Variants in TAF5 observed in about 807,000 individuals in gnomAD.
The protein encoded by TAF5 is transcription initiation factor TFIID subunit 5.
In TAF5, 20 loss-of-function variants were observed where a neutral mutation model predicts 80.9. The ratio of observed to expected loss-of-function variants is 0.25; its 90% CI spans 0.17 to 0.36. The LOEUF is 0.36. TAF5 is among the 10% of genes least tolerant of loss of function. The pLI, the probability that TAF5 is intolerant of heterozygous loss-of-function variation, is 1.00. For missense variants in TAF5, 863 were observed against 1,029.4 expected, an observed-to-expected ratio of 0.84 and a Z score of 2.21; for synonymous variants, 388 against 406.4, an observed-to-expected ratio of 0.95 and a Z score of 0.55.
chr10:103,386,888 C>T (rs1450019708), intron 8 of TAF5, among the ~76,000 whole-genome samples: 1 of 151,856 alleles, frequency 6.6e-6, no homozygotes, highest in Non-Finnish European at 1.5e-5. Flanking sequence ...TGGTCTCGAA[C>T]TCCTGACCTC....
At chr10:103,383,188 A>T (rs1365768595) in intron 6 of TAF5, 50 bp from the exon 7 acceptor site, 2 of 1,485,402 alleles carry the variant, frequency 1.3e-6, no homozygotes, top group Non-Finnish European at 1.8e-6. Context: ...TTACTTTAAA[A>T]GTTTTGATGA....
chr10:103,378,584 G>T lies in TAF5; in HGVS notation c.1113+34G>T. On this transcript the variant is annotated intron_variant, in intron 3 of 10. Coordinates refer to ENST00000369839, the MANE Select transcript of TAF5 (RefSeq NM_006951.5). This position sits in a 1 kb window ranked among gnomAD's most constrained non-coding sequence, Gnocchi z 4.1. ...ATGAACCTAAGAACTCTATAATGCAGATTATGAAAAATTGTAGCATTTCCA... is the reference window on the plus strand; with the variant it reads ...ATGAACCTAAGAACTCTATAATGCATATTATGAAAAATTGTAGCATTTCCA... The T allele has an allele frequency of 6.5e-7, 1 of 1,548,784 alleles. No individual in the cohort carries two copies. The highest frequency in any genetic ancestry group is 8.7e-7 in the Non-Finnish European group (1 of 1,146,270).
Position 103,387,627 on chromosome 10 carries a change from G to C in TAF5, c.2114G>C (p.Gly705Ala). 1 of 1,614,130 alleles carries C rather than the reference G, an allele frequency of 6.2e-7. No homozygotes were observed. The highest frequency in any genetic ancestry group is 1.1e-5 in the South Asian group (1 of 91,080). ...LWDIGHGLMV[G>A]ELKGHTDTVC... ...GATATTGGACATGGTTTGATGGTTG[G>C]AGAATTAAAAGGCCACACTGATACA... Residue 705 changes from glycine (G) to alanine (A), a missense_variant, in exon 10 of 11, where the codon GGA (glycine) becomes GCA (alanine). By Grantham distance (60) the Gly-to-Ala change is moderately conservative (BLOSUM62 0). Coordinates refer to ENST00000369839, the MANE Select transcript of TAF5 (RefSeq NM_006951.5).
chr10:103,386,517 A>T (rs1386444197), intron 8 of TAF5, among the ~76,000 whole-genome samples: 2 of 152,146 alleles, frequency 1.3e-5, no homozygotes, highest in Non-Finnish European at 1.5e-5. Context: ...AGGAGGAAGA[A>T]TATACAGAGA....
At chr10:103,379,579 T>A (rs1238476830) in intron 3 of TAF5, 29 bp from the exon 4 acceptor site, 21 of 1,535,258 alleles carry the variant, frequency 1.4e-5, no homozygotes, top group Non-Finnish European at 1.8e-5. Context: ...ATAAATAATT[T>A]TAAAAATGTT....
Position 103,378,625 on chromosome 10 carries a change from C to T in TAF5, c.1113+75C>T. 6.9e-7 allele frequency: 1 copy of T among 1,454,740 alleles called. No homozygotes were observed. Among genetic ancestry groups the T allele is most frequent in the Admixed American group, 2.5e-5 (1 of 39,536 alleles). 90.1% of individuals were successfully genotyped at this position (1,454,740 alleles called of 1,614,324 possible). On this transcript the variant is annotated intron_variant, in intron 3 of 10. Coordinates refer to ENST00000369839, the MANE Select transcript of TAF5 (RefSeq NM_006951.5). This position sits in a 1 kb window ranked among gnomAD's most constrained non-coding sequence, Gnocchi z 4.1. ...AGCATTTCCATCTACATAAGTTACA[C>T]ATTTTTCTTATAGCTAGCTTGGAAA...
intron 1 of TAF5, among the ~76,000 whole-genome samples, chr10:103,371,259 AAGAG>A (rs1175815735): frequency 1.3e-4 from 19 of 151,816 alleles, no homozygotes; most frequent in East Asian, 1.2e-3. Flanking sequence ...AAAAAAAAAA[AAGAG>A]AGAGGAATCT....
At position 103,388,812 on chromosome 10, in the gene TAF5, C is replaced by T. The variant is rs1478998850; in HGVS notation, c.*589C>T. The T allele has an allele frequency of 6.5e-6, 1 of 152,948 alleles. No homozygotes were observed. Among genetic ancestry groups the T allele is most frequent in the African/African-American group, 2.4e-5 (1 of 41,422 alleles). 9.5% of individuals were successfully genotyped at this position (152,948 alleles called of 1,614,324 possible). A position where few individuals can be genotyped will look rare whatever the true frequency, so the allele number is the denominator to read the frequency against. ...ATATACCTGTTGAGTTTTGAGTGCA[C>T]CCAAACACTCGATAAACCAGGTGAA... is the stretch of plus-strand genomic sequence containing the variant. On this transcript the variant is annotated 3_prime_UTR_variant, in exon 11 of 11. Transcript: ENST00000369839.
rs771931173 is a variant in TAF5, at chr10:103,368,072, C to T, written c.83C>T (p.Ala28Val). ...EGPPTLLPPQ[A>V]GDGAGEGSGG... is the part of the protein sequence containing the mutation. The stretch of plus-strand genomic sequence containing the variant: ...CCGCCAACGCTGCTACCTCCGCAGG[C>T]GGGGGACGGCGCAGGCGAGGGTAGC... The change falls in exon 1 of 11, where the codon GCG becomes GTG. Residue 28 changes from alanine to valine, a missense_variant. Physicochemically the swap from Ala to Val is moderately conservative, Grantham distance 64. Coordinates refer to ENST00000369839, the MANE Select transcript of TAF5 (RefSeq NM_006951.5). 7.7e-6 allele frequency: 11 copies of T among 1,429,248 alleles called. No individual in the cohort carries two copies. In the South Asian group the frequency reaches 1.4e-4, roughly 18 times the overall value. The allele number at this position is 1,429,248 out of a possible 1,614,324, so 88.5% of individuals were successfully genotyped here.
chr10:103,368,635 G>T (rs962400162), intron 1 of TAF5, 87 bp downstream of exon 1: 16 of 1,385,268 alleles, frequency 1.2e-5, no homozygotes, highest in Admixed American at 6.4e-5. Flanking sequence ...CACCTCTGCG[G>T]GCTTGTTTTG....
chr10:103,370,325 CTTTTTTTT>C (rs758002426), intron 1 of TAF5, among the ~76,000 whole-genome samples: 2 of 88,946 alleles, frequency 2.2e-5, no homozygotes, highest in Non-Finnish European at 2.2e-5. Context: ...GGTTATGAGG[CTTTTTTTT>C]TTTTTTTTTT....
In TAF5 at chr10:103,368,043, G is replaced by A; in HGVS notation, c.54G>A (p.Glu18=). 18 of 1,450,576 alleles carry A rather than the reference G, an allele frequency of 1.2e-5. No individual in the cohort carries two copies. Among genetic ancestry groups the A allele is most frequent in the Non-Finnish European group, 1.4e-5 (15 of 1,105,538 alleles). The allele number at this position is 1,450,576 out of a possible 1,614,324, so 89.9% of individuals were successfully genotyped here. ...AGGTGGCGGTCAAGCTAGAGCCTGA[G>A]GGACCGCCAACGCTGCTACCTCCGC... The part of the protein sequence containing the change: ...QTEVAVKLEP[E]GPPTLLPPQA... The change falls in exon 1 of 11, where the codon GAG becomes GAA. Residue 18 remains glutamate (E), a synonymous_variant. Coordinates refer to ENST00000369839, the MANE Select transcript of TAF5 (RefSeq NM_006951.5).
rs1592087950 is a variant in TAF5, at chr10:103,368,216, C to CG, written c.232dup (p.Ala78GlyfsTer16). The CG allele has an allele frequency of 7.1e-7, 1 of 1,418,202 alleles. No homozygotes were observed. The highest frequency in any genetic ancestry group is 3.1e-5 in the Admixed American group (1 of 31,960). 87.9% of individuals were successfully genotyped at this position (1,418,202 alleles called of 1,614,324 possible). A position where few individuals can be genotyped will look rare whatever the true frequency, so the allele number is the denominator to read the frequency against. ...GTGGCTGTCTCCGCCGCTGCCCCGG[C>CG]GGGGGCGGCCCCGGTGCCCGCCGCT... is the stretch of plus-strand genomic sequence containing the variant. On this transcript the variant is annotated frameshift_variant, in exon 1 of 11. Coordinates refer to ENST00000369839, the MANE Select transcript of TAF5 (RefSeq NM_006951.5). LOFTEE classifies it high-confidence loss of function.
chr10:103,372,709 A>G (rs61869857), intron 1 of TAF5, among the ~76,000 whole-genome samples: 60,051 of 150,038 alleles, frequency 0.4, 12,953 homozygotes, highest in South Asian at 0.64. Flanking sequence ...TAGCCTGGTC[A>G]ACATAGTGAA....
chr10:103,368,508 C>T lies in TAF5; in HGVS notation c.519C>T (p.Val173=). Residue 173 remains valine (V), a synonymous_variant, in exon 1 of 11, where the codon GTC becomes GTT. Transcript: ENST00000369839. ...GCACTGGCGCTTCGGGGGCCACGGT[C>T]GTCTCAGGTTCAGCCTCAGGTCCTG... ...PPGTGASGAT[V]VSGSASGPAA... 6.4e-7 allele frequency: 1 copy of T among 1,567,262 alleles called. No homozygotes were observed. Among genetic ancestry groups the T allele is most frequent in the Non-Finnish European group, 8.6e-7 (1 of 1,166,352 alleles).
At chr10:103,381,957 A>G (rs2093383992) in intron 6 of TAF5, 116 bp downstream of exon 6, 2 of 1,411,500 alleles carry the variant, frequency 1.4e-6, no homozygotes. Flanking sequence ...ATTTTACTTT[A>G]ACTCAAGATT....
At position 103,368,151 on chromosome 10, in the gene TAF5, G is replaced by A; in HGVS notation, c.162G>A (p.Ser54=). The A allele has an allele frequency of 2.2e-6, 3 of 1,394,614 alleles. No individual in the cohort carries two copies. Among genetic ancestry groups the A allele is most frequent in the South Asian group, 1.6e-5 (1 of 63,478 alleles). The allele number at this position is 1,394,614 out of a possible 1,614,324, so 86.4% of individuals were successfully genotyped here. The change falls in exon 1 of 11, where the codon TCG becomes TCA. Residue 54 remains serine (S), a synonymous_variant. Coordinates refer to ENST00000369839, the MANE Select transcript of TAF5 (RefSeq NM_006951.5). ...PNGGGGNVAA[S]SSTGGDGGTP... is the part of the protein sequence containing the mutation. Reference sequence around the variant, plus strand: ...GCGGCGGCGGGAACGTTGCGGCGTCGTCGTCCACTGGCGGGGATGGCGGGA... The same window carrying A: ...GCGGCGGCGGGAACGTTGCGGCGTCATCGTCCACTGGCGGGGATGGCGGGA...
intron 1 of TAF5, 62 bp downstream of exon 1, chr10:103,368,610 G>C (rs186836660): frequency 7.0e-7 from 1 of 1,434,896 alleles, no homozygotes; most frequent in African/African-American, 1.5e-5. Context: ...GGTAAGGCAG[G>C]GGCTGGCAGG....
In TAF5 at chr10:103,385,497, A is replaced by C; in HGVS notation, c.1829+7A>C. ...GCCATGACCGAGTAGCTCGGTAAGA[A>C]CACTGTGATCTTATGACTGGGTCTA... On this transcript the variant is annotated splice_region_variant and intron_variant, in intron 8 of 10. Coordinates refer to ENST00000369839, the MANE Select transcript of TAF5 (RefSeq NM_006951.5). 1 of 1,613,504 alleles carries C rather than the reference A, an allele frequency of 6.2e-7. No homozygotes were observed. Among genetic ancestry groups the C allele is most frequent in the Non-Finnish European group, 8.5e-7 (1 of 1,179,784 alleles).
Sources: allele counts gnomAD v4.1 joint callset (sites outside exome capture counted in the v4.1 genomes callset), GRCh38; gene constraint gnomAD v4.1.1; non-coding constraint Gnocchi (gnomAD v3.1); transcripts MANE v1.5; gene names NCBI Gene and HGNC (gene_info 2026-07-23, HGNC 2026-07-21).